The following PTPN23 variants were observed in gnomAD, a reference collection of about 807,000 sequenced individuals.
PTPN23 encodes the protein tyrosine-protein phosphatase non-receptor type 23.
PTPN23 carries 72 observed loss-of-function variants against 156.3 expected under a neutral mutation model. The observed-to-expected ratio is 0.46, with a 90% CI of 0.38 to 0.56. The LOEUF is 0.56. PTPN23 is among the 20% of genes least tolerant of loss of function. The pLI, the probability that PTPN23 is intolerant of heterozygous loss-of-function variation, is 0.00. For synonymous variants in PTPN23, 957 were observed against 899.6 expected, an observed-to-expected ratio of 1.06 and a Z score of -1.14; for missense variants, 1,974 against 2,171.5, an observed-to-expected ratio of 0.91 and a Z score of 1.81.
Position 47,410,016 on chromosome 3 carries a change from G to A in PTPN23, c.2218G>A (p.Asp740Asn), listed in dbSNP as rs779906156. ...GGAGAGTGAGGCAGTGGAAGCAGGA[G>A]ACCCCCCTGAGGAGCTGCGCAGCCT... ...REESEAVEAGDPPEELRSLPP... is the reference protein window; with the variant it reads ...REESEAVEAGNPPEELRSLPP... Residue 740 changes from aspartate (D) to asparagine (N), a missense_variant, in exon 20 of 25, where the codon GAC becomes AAC. Coordinates refer to ENST00000265562, the MANE Select transcript of PTPN23 (RefSeq NM_015466.4). 4 of 1,608,770 alleles carry A rather than the reference G, an allele frequency of 2.5e-6. No individual in the cohort carries two copies. Among genetic ancestry groups the A allele is most frequent in the Non-Finnish European group, 2.5e-6 (3 of 1,177,952 alleles).
intron 2 of PTPN23, among the ~76,000 whole-genome samples, chr3:47,401,753 C>T (rs1704998536): frequency 1.3e-5 from 2 of 152,162 alleles, no homozygotes; most frequent in African/African-American, 4.8e-5. Flanking sequence ...TGAGCTGCAG[C>T]TGTGACATGC....
In PTPN23 at chr3:47,412,636, G is replaced by A; in HGVS notation, c.4431+9G>A. On this transcript the variant is annotated intron_variant, in intron 24 of 24. Coordinates refer to ENST00000265562, the MANE Select transcript of PTPN23 (RefSeq NM_015466.4). ...CAAGCATCAGCCAGAAGGTGAGGAAGGTTCCGTGGAAGCTGCTGGGAGAGC... is the reference window on the plus strand; with the variant it reads ...CAAGCATCAGCCAGAAGGTGAGGAAAGTTCCGTGGAAGCTGCTGGGAGAGC... 1 of 1,611,076 alleles carries A rather than the reference G, an allele frequency of 6.2e-7. No individual in the cohort carries two copies. The highest frequency in any genetic ancestry group is 8.5e-7 in the Non-Finnish European group (1 of 1,178,338).
intron 14 of PTPN23, 82 bp downstream of exon 14, chr3:47,408,037 G>A (rs1485765828): frequency 6.8e-7 from 1 of 1,469,298 alleles, no homozygotes; most frequent in African/African-American, 1.4e-5. Flanking sequence ...CCTATGCTGG[G>A]AGAGGAATGA....
At position 47,407,322 on chromosome 3, in the gene PTPN23, C is replaced by T; in HGVS notation, c.878C>T (p.Thr293Ile). Residue 293 changes from threonine to isoleucine, a missense_variant, in exon 11 of 25, where the codon ACT becomes ATT. Thr to Ile is a moderately conservative substitution (Grantham distance 89). Transcript: ENST00000265562. This position sits in a 1 kb window ranked among gnomAD's most constrained non-coding sequence, Gnocchi z 4.0. ...AIKLAKGQPD[T>I]VQDALRFTMD... ...CTAACCCCACAGGGCCAGCCTGACA[C>T]TGTGCAAGACGCGCTTCGCTTCACT... 6.2e-7 allele frequency: 1 copy of T among 1,614,000 alleles called. No individual in the cohort carries two copies. The highest frequency in any genetic ancestry group is 1.1e-5 in the South Asian group (1 of 91,084).
Position 47,409,592 on chromosome 3 carries a change from T to C in PTPN23, c.1949+24T>C, listed in dbSNP as rs375542584. On this transcript the variant is annotated intron_variant, in intron 18 of 24. Transcript: ENST00000265562. ...AAGTCAGTGCCCAGTCCTCTGCTCT[T>C]TCCCGGAGCCACCTGGAGCCCAGCC... The C allele has an allele frequency of 2.2e-5, 36 of 1,612,612 alleles. No homozygotes were observed. In the African/African-American group the frequency reaches 4.5e-4, roughly 20 times the overall value.
intron 2 of PTPN23, among the ~76,000 whole-genome samples, chr3:47,404,301 G>A (rs1299798668): frequency 2.8e-4 from 43 of 151,992 alleles, no homozygotes; most frequent in African/African-American, 2.4e-4. Flanking sequence ...GCATGGTGGC[G>A]TGTGCCTGTA....
At chr3:47,387,723 T>C (rs1226286167) in intron 1 of PTPN23, among the ~76,000 whole-genome samples, 1 of 152,240 alleles carries the variant, frequency 6.6e-6, no homozygotes, top group East Asian at 1.9e-4. Flanking sequence ...CCTTTTCTTC[T>C]TGTCTTATTG....
chr3:47,384,855 C>T (rs1044445188), intron 1 of PTPN23, among the ~76,000 whole-genome samples: 2 of 151,970 alleles, frequency 1.3e-5, no homozygotes, highest in South Asian at 2.1e-4. Context: ...CTCTGCCTCC[C>T]GGGTTCAAGC....
chr3:47,410,898 C>T lies in PTPN23; in HGVS notation c.3100C>T (p.Leu1034=). The change falls in exon 20 of 25, where the codon CTG becomes TTG. Residue 1034 remains leucine, a synonymous_variant. Coordinates refer to ENST00000265562, the MANE Select transcript of PTPN23 (RefSeq NM_015466.4). ...QDPLPAHSGA[L]PFPSPGPPQP... ...CCCTCTGCCAGCCCACTCAGGGGCTCTGCCTTTCCCCAGCCCTGGGCCCCC... is the reference window on the plus strand; with the variant it reads ...CCCTCTGCCAGCCCACTCAGGGGCTTTGCCTTTCCCCAGCCCTGGGCCCCC... 1 of 1,611,522 alleles carries T rather than the reference C, an allele frequency of 6.2e-7. No homozygotes were observed. The highest frequency in any genetic ancestry group is 8.5e-7 in the Non-Finnish European group (1 of 1,178,878).
chr3:47,407,800 G>T lies in PTPN23; in HGVS notation c.1107G>T (p.Ser369=). 6.2e-7 allele frequency: 1 copy of T among 1,614,080 alleles called. No individual in the cohort carries two copies. Among genetic ancestry groups the T allele is most frequent in the South Asian group, 1.1e-5 (1 of 91,062 alleles). The change falls in exon 13 of 25, where the codon TCG becomes TCT. Residue 369 remains serine (S), a synonymous_variant. Coordinates refer to ENST00000265562, the MANE Select transcript of PTPN23 (RefSeq NM_015466.4). This position sits in a 1 kb window ranked among gnomAD's most constrained non-coding sequence, Gnocchi z 4.0. The part of the protein sequence containing the change: ...KLVPMAAHEA[S]SLYSEEKAKL... The stretch of plus-strand genomic sequence containing the variant: ...TACCCATGGCTGCCCACGAGGCCTC[G>T]TCACTGTACAGGTGGGTGGAGGGTG...
rs764441779 is a variant in PTPN23, at chr3:47,405,716, C to T, written c.365-33C>T. 8 of 1,589,618 alleles carry T rather than the reference C, an allele frequency of 5.0e-6. No homozygotes were observed. The South Asian group carries it at 9.1e-5, about 18-fold the overall frequency. ...CACCTTCACATGGGTGTGAGCAGCCCCAGGCCCCTAACACTGTCCCCTCCC... is the reference window on the plus strand; with the variant it reads ...CACCTTCACATGGGTGTGAGCAGCCTCAGGCCCCTAACACTGTCCCCTCCC... On this transcript the variant is annotated intron_variant, in intron 4 of 24. Transcript: ENST00000265562. The surrounding 1 kb of genome is among the most constrained non-coding windows in gnomAD (Gnocchi z 4.7).
intron 2 of PTPN23, among the ~76,000 whole-genome samples, chr3:47,400,090 G>A (rs1264276502): frequency 3.3e-5 from 5 of 152,072 alleles, no homozygotes; most frequent in Non-Finnish European, 7.3e-5. Context: ...GATTACAGGC[G>A]TGAGTCACCA....
Position 47,412,159 on chromosome 3 carries a change from A to G in PTPN23, c.4139A>G (p.His1380Arg). 6.2e-7 allele frequency: 1 copy of G among 1,613,204 alleles called. No individual in the cohort carries two copies. The highest frequency in any genetic ancestry group is 8.5e-7 in the Non-Finnish European group (1 of 1,180,036). ...FIQEVHAHYL[H>R]QRPLHTPIIV... ...CAGGAGGTGCACGCACATTACCTGCATCAGCGGCCGCTGCACACGCCCATC... is the reference window on the plus strand; with the variant it reads ...CAGGAGGTGCACGCACATTACCTGCGTCAGCGGCCGCTGCACACGCCCATC... The change falls in exon 22 of 25, where the codon CAT (histidine) becomes CGT (arginine). Residue 1380 changes from histidine (H) to arginine (R), a missense_variant. Transcript: ENST00000265562.
chr3:47,391,232 C>A (rs560692942), intron 1 of PTPN23, among the ~76,000 whole-genome samples: 22 of 152,052 alleles, frequency 1.4e-4, no homozygotes, highest in Admixed American at 5.9e-4. Flanking sequence ...CAGAACAAGA[C>A]CTTGTCTCGA....
rs764772941 is a variant in PTPN23, at chr3:47,410,002, C to A, written c.2204C>A (p.Ala735Glu). 1.9e-5 allele frequency: 30 copies of A among 1,604,852 alleles called. No homozygotes were observed. The East Asian group carries it at 6.3e-4, about 33-fold the overall frequency. The change falls in exon 20 of 25, where the codon GCA (alanine) becomes GAA (glutamate). Residue 735 changes from alanine to glutamate, a missense_variant. Physicochemically the swap from Ala to Glu is moderately radical, Grantham distance 107 (BLOSUM62 -1). Coordinates refer to ENST00000265562, the MANE Select transcript of PTPN23 (RefSeq NM_015466.4). ...PLLPRREESE[A>E]VEAGDPPEEL... ...CTGCCCCGCAGGGAGGAGAGTGAGGCAGTGGAAGCAGGAGACCCCCCTGAG... is the reference window on the plus strand; with the variant it reads ...CTGCCCCGCAGGGAGGAGAGTGAGGAAGTGGAAGCAGGAGACCCCCCTGAG...
intron 1 of PTPN23, among the ~76,000 whole-genome samples, chr3:47,388,502 T>C (rs1704699996): frequency 6.6e-6 from 1 of 152,196 alleles, no homozygotes; most frequent in Non-Finnish European, 1.5e-5. Flanking sequence ...GTACTTGATA[T>C]GGCCAAACAG....
rs144497417 is a variant in PTPN23, at chr3:47,412,852, C to A, written c.4578C>A (p.Pro1526=). The part of the protein sequence containing the change: ...PVASLPGPAE[P]PGLPPASLPE... Reference sequence around the variant, plus strand: ...CCAGCTTGCCAGGCCCTGCAGAGCCCCCAGGCCTCCCGCCAGCCAGCCTCC... The same window carrying A: ...CCAGCTTGCCAGGCCCTGCAGAGCCACCAGGCCTCCCGCCAGCCAGCCTCC... The change falls in exon 25 of 25, where the codon CCC becomes CCA. Residue 1526 remains proline (P), a synonymous_variant. Transcript: ENST00000265562. 1.3e-4 allele frequency: 206 copies of A among 1,613,410 alleles called. 2 individuals carry two copies. In the African/African-American group the frequency reaches 2.4e-3, roughly 19 times the overall value.
intron 1 of PTPN23, among the ~76,000 whole-genome samples, chr3:47,394,179 C>T (rs1265522746): frequency 2.0e-5 from 3 of 152,134 alleles, no homozygotes; most frequent in African/African-American, 4.8e-5. Flanking sequence ...TCGTGTTCAT[C>T]TGTCCTCTGC....
At chr3:47,402,572 G>A (rs376964996) in intron 2 of PTPN23, among the ~76,000 whole-genome samples, 18 of 152,102 alleles carry the variant, frequency 1.2e-4, no homozygotes, top group African/African-American at 2.4e-5. Flanking sequence ...GAGCCACCTC[G>A]CCCAGCCATA....
Sources: allele counts gnomAD v4.1 joint callset (sites outside exome capture counted in the v4.1 genomes callset), GRCh38; gene constraint gnomAD v4.1.1; non-coding constraint Gnocchi (gnomAD v3.1); transcripts MANE v1.5; gene names NCBI Gene and HGNC (gene_info 2026-07-23, HGNC 2026-07-21).